The following SORCS1 variants were observed in gnomAD, a reference collection of about 807,000 sequenced individuals.
The protein encoded by SORCS1 is sortilin related VPS10 domain containing receptor 1, also known as VPS10 domain-containing receptor SorCS1.
In SORCS1, 60 loss-of-function variants were observed where a neutral mutation model predicts 146.1. That is an observed-to-expected ratio of 0.41 (90% confidence interval 0.33 to 0.51). The LOEUF is 0.51. Ranked by LOEUF, SORCS1 falls within the 20% of genes least tolerant of loss-of-function variation. The pLI, the probability that SORCS1 is intolerant of heterozygous loss-of-function variation, is 0.21. For missense variants in SORCS1, 1,352 were observed against 1,487.6 expected (o/e 0.91, Z 1.50); for synonymous variants, 637 against 584.0 (o/e 1.09, Z -1.31).
At chr10:106,739,950 C>CAA (rs1226313224) in intron 5 of SORCS1, among the ~76,000 whole-genome samples, 25 of 58,182 alleles carry the variant, frequency 4.3e-4, no homozygotes, top group African/African-American at 1.3e-3. Context: ...GACTCTGTCT[C>CAA]AAAAAAAAAA....
intron 3 of SORCS1, among the ~76,000 whole-genome samples, chr10:106,795,538 T>G (rs772953961): frequency 6.6e-6 from 1 of 152,030 alleles, no homozygotes; most frequent in Non-Finnish European, 1.5e-5. Flanking sequence ...CTAGACCACG[T>G]GATGTGGGGT....
intron 1 of SORCS1, among the ~76,000 whole-genome samples, chr10:107,125,607 CA>C (rs1337849016): frequency 6.6e-6 from 1 of 152,178 alleles, no homozygotes; most frequent in Non-Finnish European, 1.5e-5. Flanking sequence ...GGGACTGCAT[CA>C]GAAGGCTGGG....
chr10:106,673,591 G>T (rs1031035833), intron 14 of SORCS1, among the ~76,000 whole-genome samples: 9 of 152,138 alleles, frequency 5.9e-5, no homozygotes, highest in African/African-American at 1.7e-4. Flanking sequence ...CCACAGGATT[G>T]GTTGAGAAAA....
intron 9 of SORCS1, 102 bp from the exon 10 acceptor site, chr10:106,688,440 T>G: frequency 7.2e-7 from 1 of 1,391,318 alleles, no homozygotes; most frequent in South Asian, 1.4e-5. Flanking sequence ...TGAGAGCACT[T>G]GCCTTGGAGG....
intron 1 of SORCS1, among the ~76,000 whole-genome samples, chr10:107,105,352 T>C (rs1340468986): frequency 2.0e-5 from 3 of 152,102 alleles, no homozygotes; most frequent in Non-Finnish European, 4.4e-5. Flanking sequence ...ACAGAACTAA[T>C]AGGATAGATG....
chr10:106,993,862 C>G (rs1956874950), intron 1 of SORCS1, among the ~76,000 whole-genome samples: 1 of 151,922 alleles, frequency 6.6e-6, no homozygotes, highest in South Asian at 2.1e-4. Context: ...TTGATTGACT[C>G]AGGAGTTTGA....
intron 2 of SORCS1, among the ~76,000 whole-genome samples, chr10:106,922,502 G>C (rs1434410978): frequency 6.6e-6 from 1 of 152,156 alleles, no homozygotes; most frequent in Admixed American, 6.5e-5. Context: ...ACCAGTCAAA[G>C]ACATTTTGGG....
At chr10:106,989,756 G>A (rs955722852) in intron 1 of SORCS1, among the ~76,000 whole-genome samples, 11 of 141,230 alleles carry the variant, frequency 7.8e-5, no homozygotes, top group African/African-American at 2.3e-4. Flanking sequence ...GCGCGATCTC[G>A]GTTCACTGCA....
intron 18 of SORCS1, among the ~76,000 whole-genome samples, chr10:106,651,326 T>C (rs144451358): frequency 6.6e-6 from 1 of 152,340 alleles, no homozygotes; most frequent in Non-Finnish European, 1.5e-5. Context: ...CCGACTTCTC[T>C]ATACCCCAGC....
chr10:106,668,622 A>G (rs542175960), intron 16 of SORCS1, among the ~76,000 whole-genome samples: 1 of 152,250 alleles, frequency 6.6e-6, no homozygotes, highest in Non-Finnish European at 1.5e-5. Flanking sequence ...CATCTGTGTA[A>G]TGGAGGTGAG....
chr10:106,877,334 G>A (rs1450767867), intron 2 of SORCS1, among the ~76,000 whole-genome samples: 3 of 152,110 alleles, frequency 2.0e-5, no homozygotes, highest in Non-Finnish European at 4.4e-5. Context: ...TGTATTCCTA[G>A]CAGTTTGGGA....
intron 9 of SORCS1, among the ~76,000 whole-genome samples, chr10:106,692,332 G>A (rs1284527958): frequency 6.6e-6 from 1 of 152,224 alleles, no homozygotes; most frequent in Non-Finnish European, 1.5e-5. Flanking sequence ...CTCCCAAAGT[G>A]CTGGGATTCC....
At chr10:107,170,503 C>G in the SORCS1 span, among the ~76,000 whole-genome samples, 17 of 152,294 alleles carry the variant, frequency 1.1e-4, no homozygotes, top group African/African-American at 3.9e-4. Flanking sequence ...AAGAACCTAT[C>G]CAAAGATGAA....
chr10:106,699,010 G>T (rs988309644), intron 9 of SORCS1, among the ~76,000 whole-genome samples: 4 of 152,136 alleles, frequency 2.6e-5, no homozygotes, highest in African/African-American at 9.6e-5. Flanking sequence ...TGTCAAAAAA[G>T]AATCCCTCCC....
At chr10:106,902,030 C>T (rs1015016088) in intron 2 of SORCS1, among the ~76,000 whole-genome samples, 5 of 150,476 alleles carry the variant, frequency 3.3e-5, no homozygotes, top group Non-Finnish European at 4.4e-5. Context: ...GGTGACAGAG[C>T]GAGACTCTGT....
At chr10:106,896,887 C>CTTTTT (rs1951501202) in intron 2 of SORCS1, among the ~76,000 whole-genome samples, 1 of 142,702 alleles carries the variant, frequency 7.0e-6, no homozygotes, top group African/African-American at 2.7e-5. Context: ...GCACCAAATA[C>CTTTTT]TGTTTTTTTT....
At chr10:106,761,306 C>A (rs556939374) in intron 5 of SORCS1, among the ~76,000 whole-genome samples, 2 of 152,206 alleles carry the variant, frequency 1.3e-5, no homozygotes, top group Admixed American at 1.3e-4. Flanking sequence ...CTCAAAGGTT[C>A]CACCAAAATA....
intron 5 of SORCS1, among the ~76,000 whole-genome samples, chr10:106,744,628 T>C (rs1857590543): frequency 1.3e-5 from 2 of 152,224 alleles, no homozygotes; most frequent in Admixed American, 1.3e-4. Context: ...ATTTTTTAAT[T>C]GGTGAATTTA....
rs115750515 is a variant in SORCS1 at position 106,910,503 on chromosome 10, G to C, written c.626+46010C>G. 3.6e-3 allele frequency among the ~76,000 whole-genome samples: 551 copies of C among 152,232 alleles called. 2 individuals are homozygous for C. The highest frequency in any genetic ancestry group is 0.012 in the African/African-American group (499 of 41,554). On this transcript the variant is annotated intron_variant, in intron 2 of 25. Coordinates refer to ENST00000263054, the MANE Select transcript of SORCS1 (RefSeq NM_052918.5). Reference sequence around the variant, plus strand: ...TTGCCTTAGACAGGGGGTCATACAAGAGGTCTCATCCCATCAGTCACTGAA... The same window carrying C: ...TTGCCTTAGACAGGGGGTCATACAACAGGTCTCATCCCATCAGTCACTGAA...
Sources: allele counts gnomAD v4.1 joint callset (sites outside exome capture counted in the v4.1 genomes callset), GRCh38; gene constraint gnomAD v4.1.1; transcripts MANE v1.5; gene names NCBI Gene and HGNC (gene_info 2026-07-23, HGNC 2026-07-21).